PNLIP: variants seen among roughly 807,000 people sequenced by gnomAD.
PNLIP encodes pancreatic triacylglycerol lipase.
Under a neutral mutation model 57.1 loss-of-function variants are expected in PNLIP, and 49 were observed. The observed-to-expected ratio is 0.86, with a 90% CI of 0.68 to 1.09. PNLIP has a LOEUF of 1.09. Ranked by LOEUF, PNLIP falls within the 50% of genes least tolerant of loss-of-function variation. The pLI, the probability that PNLIP is intolerant of heterozygous loss-of-function variation, is 0.00. For synonymous variants in PNLIP, 209 were observed against 200.4 expected (o/e 1.04, Z -0.36); for missense variants, 503 against 570.2 (o/e 0.88, Z 1.20).
Position 116,551,177 on chromosome 10 carries a change from C to A in PNLIP, c.404C>A (p.Ser135Ter), listed in dbSNP as rs778815857. ...GGSRTGYTQA[S>*]QNIRIVGAEV... ...TCCCGAACTGGATACACACAAGCCT[C>A]GCAGAACATCAGGATCGTGGGAGCA... The change falls in exon 5 of 13, where the codon TCG (serine) becomes TAG (stop). Residue 135 changes from serine to a stop codon, truncating the protein, a stop_gained. Transcript: ENST00000369221. LOFTEE classifies it high-confidence loss of function. 1 of 1,612,460 alleles carries A rather than the reference C, an allele frequency of 6.2e-7. No individual in the cohort carries two copies. Among genetic ancestry groups the A allele is most frequent in the South Asian group, 1.1e-5 (1 of 90,834 alleles).
chr10:116,555,590 T>C, intron 8 of PNLIP, 83 bp downstream of exon 8: 3 of 1,443,088 alleles, frequency 2.1e-6, no homozygotes, highest in Non-Finnish European at 2.9e-6. Flanking sequence ...TTCTTTGGAA[T>C]TGTACAGGTC....
chr10:116,553,652 T>C, intron 5 of PNLIP, 75 bp from the exon 6 acceptor site: 1 of 824,932 alleles, frequency 1.2e-6, no homozygotes, highest in Non-Finnish European at 2.1e-6. Context: ...GATGCATTTC[T>C]TGTAACGTAT....
chr10:116,556,969 A>G (rs1046813490), intron 9 of PNLIP, among the ~76,000 whole-genome samples: 9 of 152,200 alleles, frequency 5.9e-5, no homozygotes, highest in Admixed American at 1.3e-4. Context: ...TATAAATGTA[A>G]ATACTGATGG....
chr10:116,555,362 A>G, intron 7 of PNLIP, 26 bp from the exon 8 acceptor site: 2 of 1,613,998 alleles, frequency 1.2e-6, no homozygotes, highest in Non-Finnish European at 1.7e-6. Context: ...ATTAGCATAA[A>G]CCCTCATGTA....
At chr10:116,547,079 T>A (rs998867881) in intron 2 of PNLIP, among the ~76,000 whole-genome samples, 1 of 152,072 alleles carries the variant, frequency 6.6e-6, no homozygotes, top group Non-Finnish European at 1.5e-5. Context: ...GGGAGTGAAG[T>A]GATCCATGTG....
At chr10:116,557,707 T>C (rs1255474997) in intron 9 of PNLIP, among the ~76,000 whole-genome samples, 1 of 152,132 alleles carries the variant, frequency 6.6e-6, no homozygotes, top group Non-Finnish European at 1.5e-5. Flanking sequence ...ACCACTTGCC[T>C]TCACTGTAGA....
At chr10:116,551,477 T>G (rs2133200272) in intron 5 of PNLIP, among the ~76,000 whole-genome samples, 1 of 152,324 alleles carries the variant, frequency 6.6e-6, no homozygotes, top group Non-Finnish European at 1.5e-5. Flanking sequence ...AGGTTGTTTT[T>G]AATAAATTCC....
chr10:116,555,647 AG>A (rs764081063), intron 8 of PNLIP, 140 bp downstream of exon 8: 3 of 985,412 alleles, frequency 3.0e-6, no homozygotes, highest in Non-Finnish European at 4.5e-6. Context: ...CATGAGATGT[AG>A]GTTTTCACTG....
intron 12 of PNLIP, among the ~76,000 whole-genome samples, chr10:116,565,841 G>T (rs1373884940): frequency 5.3e-5 from 8 of 152,012 alleles, no homozygotes; most frequent in Admixed American, 5.2e-4. Flanking sequence ...ACAGAGTCTT[G>T]CTCTGTCACC....
At chr10:116,565,985 T>G (rs562767149) in intron 12 of PNLIP, among the ~76,000 whole-genome samples, 4 of 152,300 alleles carry the variant, frequency 2.6e-5, no homozygotes, top group African/African-American at 9.6e-5. Context: ...ATTTTTGTAT[T>G]TTTAGTTGAG....
intron 12 of PNLIP, among the ~76,000 whole-genome samples, chr10:116,567,052 C>T (rs1030795591): frequency 1.4e-5 from 2 of 145,558 alleles, no homozygotes; most frequent in Non-Finnish European, 1.5e-5. Context: ...TCCTTCCTTC[C>T]TTTCTTCTTT....
In PNLIP at chr10:116,560,374, T is replaced by C. The variant is rs548945744; in HGVS notation, c.1061-42T>C. The C allele has an allele frequency of 1.3e-5, 13 of 1,031,728 alleles. No individual in the cohort carries two copies. The East Asian group carries it at 2.1e-4, about 17-fold the overall frequency. 63.9% of individuals were successfully genotyped at this position (1,031,728 alleles called of 1,614,324 possible). On this transcript the variant is annotated intron_variant, in intron 10 of 12. Coordinates refer to ENST00000369221, the MANE Select transcript of PNLIP (RefSeq NM_000936.4). The stretch of plus-strand genomic sequence containing the variant: ...GCAAATTAACTTGTTTTTAGTGTCT[T>C]TTATCTCCAAACTGACATTTTGCAA...
chr10:116,558,926 G>T (rs533726331), intron 9 of PNLIP, among the ~76,000 whole-genome samples: 3 of 152,122 alleles, frequency 2.0e-5, no homozygotes, highest in African/African-American at 7.2e-5. Context: ...CGCCCGGCTC[G>T]TTGTAGATTT....
At chr10:116,546,330 T>C (rs539136942) in intron 2 of PNLIP, among the ~76,000 whole-genome samples, 192 bp downstream of exon 2, 1 of 152,154 alleles carries the variant, frequency 6.6e-6, no homozygotes, top group African/African-American at 2.4e-5. Flanking sequence ...CCAGTTAAAT[T>C]TGAATTTCAG....
intron 11 of PNLIP, 89 bp from the exon 12 acceptor site, chr10:116,561,383 A>G (rs1847313642): frequency 1.1e-6 from 1 of 889,688 alleles, no homozygotes; most frequent in Non-Finnish European, 1.7e-6. Context: ...GTGTATGTAT[A>G]TATGTACACA....
intron 12 of PNLIP, among the ~76,000 whole-genome samples, chr10:116,566,552 A>G (rs1319083396): frequency 2.6e-5 from 4 of 152,178 alleles, no homozygotes; most frequent in Admixed American, 1.3e-4. Flanking sequence ...AAATATGTAC[A>G]GTTTATTCCA....
At chr10:116,558,560 G>A (rs1847280749) in intron 9 of PNLIP, among the ~76,000 whole-genome samples, 1 of 150,664 alleles carries the variant, frequency 6.6e-6, no homozygotes, top group Non-Finnish European at 1.5e-5. Context: ...AGCAAATTAG[G>A]CAAAAGAGAA....
chr10:116,548,350 G>C lies in PNLIP; in HGVS notation c.202-10G>C. Reference sequence around the variant, plus strand: ...GGAAACTGACATGAAACACTTTTCTGTCTAAACAGGAAGTTGCCGCAGATT... The same window carrying C: ...GGAAACTGACATGAAACACTTTTCTCTCTAAACAGGAAGTTGCCGCAGATT... On this transcript the variant is annotated splice_polypyrimidine_tract_variant and intron_variant, in intron 3 of 12. Transcript: ENST00000369221. 1 of 1,613,510 alleles carries C rather than the reference G, an allele frequency of 6.2e-7. No individual in the cohort carries two copies. Among genetic ancestry groups the C allele is most frequent in the Non-Finnish European group, 8.5e-7 (1 of 1,179,674 alleles).
At chr10:116,557,986 G>A (rs1280807628) in intron 9 of PNLIP, among the ~76,000 whole-genome samples, 1 of 151,698 alleles carries the variant, frequency 6.6e-6, no homozygotes, top group Admixed American at 6.6e-5. Flanking sequence ...CGGGCGCGGT[G>A]GCTCATGCCT....
Sources: gnomAD v4.1 joint callset for allele counts (sites outside exome capture counted in the v4.1 genomes callset) on GRCh38, gnomAD v4.1.1 for gene constraint, MANE v1.5 for transcripts, NCBI Gene and HGNC (gene_info 2026-07-23, HGNC 2026-07-21) for gene names.